TCTN3: variants seen among roughly 807,000 people sequenced by gnomAD.
TCTN3 encodes tectonic family member 3, also known as tectonic-3.
Under a neutral mutation model 71.3 loss-of-function variants are expected in TCTN3, and 57 were observed. The ratio of observed to expected loss-of-function variants is 0.80; its 90% CI spans 0.65 to 1.00. The LOEUF is 1.00. Among genes scored for constraint, TCTN3 ranks in the 50% least tolerant of loss-of-function variants. The pLI is 0.00. For missense variants in TCTN3, 696 were observed against 719.9 expected (o/e 0.97, Z 0.38); for synonymous variants, 258 against 267.8 (o/e 0.96, Z 0.36).
chr10:95,688,397 G>GAAAAAAAAAAAAA (rs60722894), intron 3 of TCTN3, among the ~76,000 whole-genome samples: 6 of 104,592 alleles, frequency 5.7e-5, no homozygotes, highest in Admixed American at 1.2e-4. Context: ...TCAAAAAAAA[G>GAAAAAAAAAAAAA]AAAAAAAAAA....
In TCTN3 at chr10:95,692,909, T is replaced by C. The variant is rs1428675552; in HGVS notation, c.499+11A>G. 13 of 1,580,618 alleles carry C rather than the reference T, an allele frequency of 8.2e-6. No homozygotes were observed. Among genetic ancestry groups the C allele is most frequent in the Non-Finnish European group, 1.0e-5 (12 of 1,149,724 alleles). ...TTAGAAAATGAGAACAACCAACATG[T>C]TTCTACTCACAGTTGTTCACATGGA... On this transcript the variant is annotated intron_variant, in intron 3 of 13. Transcript: ENST00000371217.
intron 4 of TCTN3, 32 bp from the exon 5 acceptor site, chr10:95,687,387 A>G (rs773956762): frequency 2.5e-6 from 4 of 1,572,042 alleles, no homozygotes; most frequent in Non-Finnish European, 3.5e-6. Context: ...CTTTGTTCAC[A>G]GTGAGACTGG....
intron 12 of TCTN3, among the ~76,000 whole-genome samples, chr10:95,681,117 C>T (rs1347366065): frequency 6.6e-6 from 1 of 151,246 alleles, no homozygotes; most frequent in Non-Finnish European, 1.5e-5. Flanking sequence ...GCTCTGTTGC[C>T]CAGGCTGGAG....
Position 95,683,590 on chromosome 10 carries a change from T to A in TCTN3, c.1135A>T (p.Arg379Ter), listed in dbSNP as rs1242752059. The A allele has an allele frequency of 1.9e-6, 3 of 1,614,122 alleles. No individual in the cohort carries two copies. Residue 379 changes from arginine to a stop codon, truncating the protein, a stop_gained, in exon 10 of 14, where the codon AGA becomes TGA. Coordinates refer to ENST00000371217, the MANE Select transcript of TCTN3 (RefSeq NM_015631.6). LOFTEE classifies it high-confidence loss of function. Reference protein sequence around the residue: ...QSTAASLTSPRSGNPGYIVGK... With the variant: ...QSTAASLTSP ...ACTATATAGCCAGGATTCCCACTTC[T>A]AGGACTGGTGAGAGAAGCAGCTGTG... is the stretch of plus-strand genomic sequence containing the variant.
At position 95,684,639 on chromosome 10, in the gene TCTN3, G is replaced by A; in HGVS notation, c.970-15C>T. ...TCATAGGTGACCTGAAATGCAAAAA[G>A]AATCAATTAATAAAAAGTAGTTATT... On this transcript the variant is annotated splice_polypyrimidine_tract_variant and intron_variant, in intron 8 of 13. Coordinates refer to ENST00000371217, the MANE Select transcript of TCTN3 (RefSeq NM_015631.6). The A allele has an allele frequency of 8.7e-6, 14 of 1,611,954 alleles. No homozygotes were observed. Among genetic ancestry groups the A allele is most frequent in the Non-Finnish European group, 1.2e-5 (14 of 1,178,976 alleles).
At position 95,683,187 on chromosome 10, in the gene TCTN3, G is replaced by C. The variant is rs2097944814; in HGVS notation, c.1212C>G (p.Leu404=). ...LTDDISYSMT[L]LQSQGNGSCS... ...AACTTCCATTACCCTGGCTCTGTAAGAGGGTCATCCAAGGTGGAAAAGTGA... is the reference window on the plus strand; with the variant it reads ...AACTTCCATTACCCTGGCTCTGTAACAGGGTCATCCAAGGTGGAAAAGTGA... The change falls in exon 11 of 14, where the codon CTC becomes CTG. Residue 404 remains leucine, a synonymous_variant. Coordinates refer to ENST00000371217, the MANE Select transcript of TCTN3 (RefSeq NM_015631.6). 3.1e-6 allele frequency: 5 copies of C among 1,613,808 alleles called. No homozygotes were observed. Among genetic ancestry groups the C allele is most frequent in the Non-Finnish European group, 4.2e-6 (5 of 1,179,850 alleles).
chr10:95,664,125 G>A lies in TCTN3; in HGVS notation c.1766C>T (p.Ser589Phe). ...TAAGAGGCACAGGATAAGGATGGGA[G>A]AGACTGAGCATTTTTGAGAGAATAC... ...RGVFSQKCSV[S>F]PILILCLLLL... is the part of the protein sequence containing the mutation. Residue 589 changes from serine to phenylalanine, a missense_variant, in exon 14 of 14, where the codon TCT (serine) becomes TTT (phenylalanine). Transcript: ENST00000371217. 2 of 1,614,190 alleles carry A rather than the reference G, an allele frequency of 1.2e-6. No homozygotes were observed. Among genetic ancestry groups the A allele is most frequent in the Non-Finnish European group, 1.7e-6 (2 of 1,180,026 alleles).
chr10:95,692,082 G>A (rs749357988), intron 3 of TCTN3, among the ~76,000 whole-genome samples: 1 of 152,204 alleles, frequency 6.6e-6, no homozygotes, highest in Non-Finnish European at 1.5e-5. Flanking sequence ...GATTCAGTTA[G>A]TACCCTCATG....
At chr10:95,680,338 G>C in intron 13 of TCTN3, 134 bp downstream of exon 13, 1 of 828,130 alleles carries the variant, frequency 1.2e-6, no homozygotes, top group Non-Finnish European at 1.7e-6. Flanking sequence ...AATTATGTCA[G>C]CTCACTTTAA....
At chr10:95,684,045 T>C (rs1285848854) in intron 9 of TCTN3, among the ~76,000 whole-genome samples, 3 of 152,080 alleles carry the variant, frequency 2.0e-5, no homozygotes, top group African/African-American at 7.2e-5. Flanking sequence ...CACCTGAGGG[T>C]AGAGTTGAGA....
chr10:95,689,206 G>C (rs927780976), intron 3 of TCTN3, among the ~76,000 whole-genome samples: 1 of 152,162 alleles, frequency 6.6e-6, no homozygotes, highest in African/African-American at 2.4e-5. Context: ...ACACACATTA[G>C]TAGCTCCAGC....
chr10:95,683,849 C>T (rs980732680), intron 9 of TCTN3, among the ~76,000 whole-genome samples: 4 of 152,090 alleles, frequency 2.6e-5, no homozygotes, highest in East Asian at 1.9e-4. Flanking sequence ...ATTCATAATA[C>T]GCTACTTTTA....
At chr10:95,669,628 C>T (rs1190886216) in intron 13 of TCTN3, among the ~76,000 whole-genome samples, 1 of 152,192 alleles carries the variant, frequency 6.6e-6, no homozygotes, top group Non-Finnish European at 1.5e-5. Flanking sequence ...TAACTAGTTC[C>T]AGGCATAGTA....
At chr10:95,675,315 A>G (rs1393798401) in intron 13 of TCTN3, among the ~76,000 whole-genome samples, 3 of 151,800 alleles carry the variant, frequency 2.0e-5, no homozygotes, top group African/African-American at 4.8e-5. Flanking sequence ...CCGGTCTCAA[A>G]CTCCTGACCT....
At chr10:95,684,402 T>A in intron 9 of TCTN3, 97 bp downstream of exon 9, 1 of 1,491,894 alleles carries the variant, frequency 6.7e-7, no homozygotes, top group East Asian at 2.3e-5. Flanking sequence ...GGCCTTCATA[T>A]TCTTATTCTA....
chr10:95,676,146 T>C (rs944043758), intron 13 of TCTN3, among the ~76,000 whole-genome samples: 2 of 152,178 alleles, frequency 1.3e-5, no homozygotes, highest in East Asian at 1.9e-4. Flanking sequence ...TAGTCAGAGA[T>C]GTATCCTCTG....
intron 6 of TCTN3, 70 bp downstream of exon 6, chr10:95,686,974 C>T: frequency 7.3e-7 from 1 of 1,364,544 alleles, no homozygotes; most frequent in Non-Finnish European, 1.0e-6. Flanking sequence ...TTCCACAACC[C>T]ACAACAGTGA....
intron 13 of TCTN3, among the ~76,000 whole-genome samples, chr10:95,678,257 C>T (rs1034630839): frequency 3.9e-5 from 6 of 152,102 alleles, no homozygotes; most frequent in East Asian, 3.9e-4. Context: ...AGAGGCTGGG[C>T]GTGGTGGCTC....
Position 95,687,368 on chromosome 10 carries a change from T to G in TCTN3, c.628-13A>C, listed in dbSNP as rs1012136139. ...TGGGGTCCCCAGCCTGAATAAAATA[T>G]AAAAGAAACTTTGTTCACAGTGAGA... On this transcript the variant is annotated splice_polypyrimidine_tract_variant and intron_variant, in intron 4 of 13. Transcript: ENST00000371217. The G allele has an allele frequency of 3.8e-6, 6 of 1,591,180 alleles. No individual in the cohort carries two copies. The highest frequency in any genetic ancestry group is 5.1e-6 in the Non-Finnish European group (6 of 1,171,348).
Sources: gnomAD v4.1 joint callset for allele counts (sites outside exome capture counted in the v4.1 genomes callset) on GRCh38, gnomAD v4.1.1 for gene constraint, MANE v1.5 for transcripts, NCBI Gene and HGNC (gene_info 2026-07-23, HGNC 2026-07-21) for gene names.